The following BTG1 variants were observed in gnomAD, a reference collection of about 807,000 sequenced individuals.
BTG1 encodes the protein BTG anti-proliferation factor 1.
BTG1 carries 2 observed loss-of-function variants against 15.2 expected under a neutral mutation model. The ratio of observed to expected loss-of-function variants is 0.13; its 90% confidence interval spans 0.05 to 0.41. BTG1 has a LOEUF of 0.41. Among genes scored for constraint, BTG1 ranks in the 10% least tolerant of loss-of-function variants. The pLI is 0.99. For missense variants in BTG1, 149 were observed against 215.0 expected (o/e 0.69, Z 1.92); for synonymous variants, 109 against 82.4 (o/e 1.32, Z -1.75).
rs2136943948 is a variant in BTG1 at position 92,141,143 on chromosome 12, T to C, written c.*2937A>G. On this transcript the variant is annotated 3_prime_UTR_variant, in exon 2 of 2. Transcript: ENST00000256015. ...GAATACGGCTTCCTTCCTTTTAACT[T>C]GAAGGCCAATTTCATAAACTGCAAC... 4.3e-6 allele frequency: 1 copy of C among 232,752 alleles called. No homozygotes were observed. Among genetic ancestry groups the C allele is most frequent in the Non-Finnish European group, 8.5e-6 (1 of 117,730 alleles). 14.4% of individuals were successfully genotyped at this position (232,752 alleles called of 1,614,324 possible). A position where few individuals can be genotyped will look rare whatever the true frequency, so the allele number is the denominator to read the frequency against.
chr12:92,143,892 T>C lies in BTG1; in HGVS notation c.*188A>G. The C allele has an allele frequency of 1.7e-6, 1 of 595,770 alleles. No individual in the cohort carries two copies. The highest frequency in any genetic ancestry group is 2.8e-6 in the Non-Finnish European group (1 of 358,334). The allele number at this position is 595,770 out of a possible 1,614,324, so 36.9% of individuals were successfully genotyped here. On this transcript the variant is annotated 3_prime_UTR_variant, in exon 2 of 2. Transcript: ENST00000256015. ...CTCACAGGCTATTAAAATTAATCAT[T>C]GAAAGGTACTGTCCAAACTATGGCA...
At position 92,145,379 on chromosome 12, in the gene BTG1, C is replaced by T; in HGVS notation, c.148+9G>A. 1.3e-6 allele frequency: 2 copies of T among 1,571,464 alleles called. No homozygotes were observed. The highest frequency in any genetic ancestry group is 1.7e-6 in the Non-Finnish European group (2 of 1,159,792). On this transcript the variant is annotated intron_variant, in intron 1 of 1. Transcript: ENST00000256015. The stretch of plus-strand genomic sequence containing the variant: ...GCCCGCGTCCCTCCGACGCCCTCGC[C>T]CTGCTCACCTGCCAGCAGCTCCTGC...
chr12:92,144,609 A>G (rs1347009028), intron 1 of BTG1, among the ~76,000 whole-genome samples, 162 bp from the exon 2 acceptor site: 15 of 152,192 alleles, frequency 9.9e-5, no homozygotes, highest in Non-Finnish European at 2.9e-5. Flanking sequence ...GGGATGGAAA[A>G]AGCGGGCAGG....
chr12:92,141,674 T>G lies in BTG1; in HGVS notation c.*2406A>C. On this transcript the variant is annotated 3_prime_UTR_variant, in exon 2 of 2. Transcript: ENST00000256015. ...ACCGCAGATACAGGTTCAGCTCAAT[T>G]GTCTGGGGAAGGTAAGGTTAAAGTC... 8.6e-6 allele frequency: 2 copies of G among 232,212 alleles called. No homozygotes were observed. The highest frequency in any genetic ancestry group is 1.2e-4 in the East Asian group (2 of 16,434). 14.4% of individuals were successfully genotyped at this position (232,212 alleles called of 1,614,324 possible).
rs1870526926 is a variant in BTG1 at position 92,145,466 on chromosome 12, T to G, written c.70A>C (p.Lys24Gln). Residue 24 changes from lysine (K) to glutamine (Q), a missense_variant, in exon 1 of 2, where the codon AAG becomes CAG. Lys to Gln is a moderately conservative substitution (Grantham distance 53). Coordinates refer to ENST00000256015, the MANE Select transcript of BTG1 (RefSeq NM_001731.3). ...EIAAAVSFIS[K>Q]FLRTKGLTSE... Reference sequence around the variant, plus strand: ...GTGAGCCCCTTGGTGCGGAGAAACTTGGAGATGAAGGACACGGCGGCGGCG... The same window carrying G: ...GTGAGCCCCTTGGTGCGGAGAAACTGGGAGATGAAGGACACGGCGGCGGCG... The G allele has an allele frequency of 6.3e-7, 1 of 1,591,528 alleles. No homozygotes were observed. The highest frequency in any genetic ancestry group is 1.4e-5 in the African/African-American group (1 of 71,668).
rs1870475082 is a variant in BTG1, at chr12:92,144,779, A to G, written c.149-332T>C. On this transcript the variant is annotated intron_variant, in intron 1 of 1. Coordinates refer to ENST00000256015, the MANE Select transcript of BTG1 (RefSeq NM_001731.3). ...GTTTACTTTCTCCACCCCACCCCAG[A>G]TGCACACAATGGAGTTGATGGCTTT... Among the ~76,000 whole-genome samples, 3 of 152,158 alleles carry G rather than the reference A, an allele frequency of 2.0e-5. No homozygotes were observed. In the South Asian group the frequency reaches 6.2e-4, roughly 32 times the overall value.
In BTG1 at chr12:92,141,113, A is replaced by G. The variant is rs1044793969; in HGVS notation, c.*2967T>C. The G allele has an allele frequency of 4.3e-6, 1 of 232,808 alleles. No homozygotes were observed. The highest frequency in any genetic ancestry group is 6.1e-5 in the East Asian group (1 of 16,482). The allele number at this position is 232,808 out of a possible 1,614,324, so 14.4% of individuals were successfully genotyped here. On this transcript the variant is annotated 3_prime_UTR_variant, in exon 2 of 2. Coordinates refer to ENST00000256015, the MANE Select transcript of BTG1 (RefSeq NM_001731.3). ...AACCTGTAGTCATTAAACACTAGCC[A>G]TCGGGAATACGGCTTCCTTCCTTTT... is the stretch of plus-strand genomic sequence containing the variant.
At position 92,140,733 on chromosome 12, in the gene BTG1, A is replaced by G. The variant is rs1026775786; in HGVS notation, c.*3347T>C. 1 of 232,254 alleles carries G rather than the reference A, an allele frequency of 4.3e-6. No homozygotes were observed. Among genetic ancestry groups the G allele is most frequent in the African/African-American group, 2.2e-5 (1 of 45,326 alleles). 14.4% of individuals were successfully genotyped at this position (232,254 alleles called of 1,614,324 possible). On this transcript the variant is annotated 3_prime_UTR_variant, in exon 2 of 2. Coordinates refer to ENST00000256015, the MANE Select transcript of BTG1 (RefSeq NM_001731.3). ...CAGCCATATATAAAAGTTCAGTGGC[A>G]GAGACTGAGAGATAAGTCTAAAATG...
At position 92,141,413 on chromosome 12, in the gene BTG1, T is replaced by TATCTGTTGAA. The variant is rs1304992495; in HGVS notation, c.*2666_*2667insTTCAACAGAT. ...TCCACTTGAAGCCTTGTTTCAACAT[T>TATCTGTTGAA]ACAGAGGGAGGCACTACTTAAATTT... On this transcript the variant is annotated 3_prime_UTR_variant, in exon 2 of 2. Coordinates refer to ENST00000256015, the MANE Select transcript of BTG1 (RefSeq NM_001731.3). The TATCTGTTGAA allele has an allele frequency of 1.7e-5, 4 of 232,008 alleles. No homozygotes were observed. Among genetic ancestry groups the TATCTGTTGAA allele is most frequent in the African/African-American group, 6.6e-5 (3 of 45,270 alleles). 14.4% of individuals were successfully genotyped at this position (232,008 alleles called of 1,614,324 possible). A position where few individuals can be genotyped will look rare whatever the true frequency, so the allele number is the denominator to read the frequency against.
Position 92,145,502 on chromosome 12 carries a change from T to A in BTG1, c.34A>T (p.Ile12Leu). 1 of 1,580,050 alleles carries A rather than the reference T, an allele frequency of 6.3e-7. No homozygotes were observed. The highest frequency in any genetic ancestry group is 8.6e-7 in the Non-Finnish European group (1 of 1,165,042). Residue 12 changes from isoleucine to leucine, a missense_variant, in exon 1 of 2, where the codon ATA becomes TTA. Ile to Leu is a conservative substitution (Grantham distance 5). This residue lies in a region of BTG1 where 63 missense variants were observed against 60.8 expected (regional missense o/e 1.04). Transcript: ENST00000256015. ...HPFYTRAATM[I>L]GEIAAAVSFI... ...GACACGGCGGCGGCGATCTCGCCTA[T>A]CATGGTGGCGGCCCGGGTGTAGAAG...
intron 1 of BTG1, chr12:92,145,158 T>G: frequency 1.9e-6 from 1 of 516,712 alleles, no homozygotes; most frequent in Non-Finnish European, 3.0e-6. Flanking sequence ...GCGTGTTGTC[T>G]TCTCCTCTCC....
Position 92,145,551 on chromosome 12 carries a change from G to A in BTG1, c.-16C>T, listed in dbSNP as rs1183851346. 9 of 1,402,816 alleles carry A rather than the reference G, an allele frequency of 6.4e-6. No individual in the cohort carries two copies. The highest frequency in any genetic ancestry group is 2.8e-5 in the East Asian group (1 of 35,492). The allele number at this position is 1,402,816 out of a possible 1,614,324, so 86.9% of individuals were successfully genotyped here. On this transcript the variant is annotated 5_prime_UTR_variant, in exon 1 of 2. Transcript: ENST00000256015. ...AGGGATGCATGGGGGCGGCGTGCGG[G>A]GGCGGCCCGGGGCGGCTGGGGCTCG... is the stretch of plus-strand genomic sequence containing the variant.
rs1049587224 is a variant in BTG1, at chr12:92,142,439, C to T, written c.*1641G>A. 3.9e-5 allele frequency: 9 copies of T among 231,910 alleles called. No individual in the cohort carries two copies. Among genetic ancestry groups the T allele is most frequent in the Admixed American group, 1.1e-4 (2 of 17,744 alleles). 14.4% of individuals were successfully genotyped at this position (231,910 alleles called of 1,614,324 possible). ...CACTGAAAAACGCTGTTATCCTCTA[C>T]AACTAAACAGCAAGTCCTTCTATTA... On this transcript the variant is annotated 3_prime_UTR_variant, in exon 2 of 2. Coordinates refer to ENST00000256015, the MANE Select transcript of BTG1 (RefSeq NM_001731.3).
chr12:92,144,137 A>T lies in BTG1; in HGVS notation c.459T>A (p.Leu153=). The T allele has an allele frequency of 6.2e-7, 1 of 1,613,882 alleles. No homozygotes were observed. The highest frequency in any genetic ancestry group is 8.5e-7 in the Non-Finnish European group (1 of 1,180,002). ...VDSRISCKEE[L]LLGRTSPSKN... ...TGGAAGGGCTCGTTCTGCCCAAGAG[A>T]AGTTCCTCCTTACAGCTGATTCGGC... is the stretch of plus-strand genomic sequence containing the variant. The change falls in exon 2 of 2, where the codon CTT becomes CTA. Residue 153 remains leucine (L), a synonymous_variant. Transcript: ENST00000256015.
chr12:92,145,415 T>A lies in BTG1; in HGVS notation c.121A>T (p.Ser41Cys), dbSNP rs571617948. ...GCCAGCAGCTCCTGCAGGCTCTGGC[T>A]GAAGGTCTGCAGCTGTCGCTCGCTC... ...LTSERQLQTFSQSLQELLAEH... is the reference protein window; with the variant it reads ...LTSERQLQTFCQSLQELLAEH... The change falls in exon 1 of 2, where the codon AGC (serine) becomes TGC (cysteine). Residue 41 changes from serine to cysteine, a missense_variant. Ser to Cys is a moderately radical substitution (Grantham distance 112, BLOSUM62 -1). Coordinates refer to ENST00000256015, the MANE Select transcript of BTG1 (RefSeq NM_001731.3). 6.3e-7 allele frequency: 1 copy of A among 1,589,488 alleles called. No homozygotes were observed. Among genetic ancestry groups the A allele is most frequent in the African/African-American group, 1.4e-5 (1 of 71,716 alleles).
chr12:92,145,295 C>G, intron 1 of BTG1, 93 bp downstream of exon 1: 9 of 1,350,422 alleles, frequency 6.7e-6, no homozygotes, highest in Non-Finnish European at 8.6e-6. Context: ...CGACCGGCCC[C>G]GGGGCGCTGC....
Position 92,143,697 on chromosome 12 carries a change from T to C in BTG1, c.*383A>G, listed in dbSNP as rs1436067170. The C allele has an allele frequency of 3.8e-6, 1 of 266,138 alleles. No homozygotes were observed. Among genetic ancestry groups the C allele is most frequent in the South Asian group, 9.2e-5 (1 of 10,912 alleles). 16.5% of individuals were successfully genotyped at this position (266,138 alleles called of 1,614,324 possible). ...TGCCGAAAAGGTTAACAATAACAAC[T>C]TTCAAGTGTAATAGTGCAAATTCCC... On this transcript the variant is annotated 3_prime_UTR_variant, in exon 2 of 2. Transcript: ENST00000256015.
Position 92,142,152 on chromosome 12 carries a change from C to T in BTG1, c.*1928G>A. On this transcript the variant is annotated 3_prime_UTR_variant, in exon 2 of 2. Transcript: ENST00000256015. ...ATTCTAACTCTCGAGAATGGTGTGC[C>T]AATAATATCCACAGACATTTGTACT... is the stretch of plus-strand genomic sequence containing the variant. 4.3e-6 allele frequency: 1 copy of T among 232,214 alleles called. No individual in the cohort carries two copies. The highest frequency in any genetic ancestry group is 6.1e-5 in the East Asian group (1 of 16,392). 14.4% of individuals were successfully genotyped at this position (232,214 alleles called of 1,614,324 possible).
Position 92,140,305 on chromosome 12 carries a change from T to C in BTG1, c.*3775A>G, listed in dbSNP as rs996954296. ...GAACTACATTTTTTTATTCCTATCTTGGACATACTGAGCAATACGAAAAGT... is the reference window on the plus strand; with the variant it reads ...GAACTACATTTTTTTATTCCTATCTCGGACATACTGAGCAATACGAAAAGT... On this transcript the variant is annotated 3_prime_UTR_variant, in exon 2 of 2. Coordinates refer to ENST00000256015, the MANE Select transcript of BTG1 (RefSeq NM_001731.3). 12 of 198,186 alleles carry C rather than the reference T, an allele frequency of 6.1e-5. No homozygotes were observed. Among genetic ancestry groups the C allele is most frequent in the African/African-American group, 2.5e-4 (11 of 43,374 alleles). 12.3% of individuals were successfully genotyped at this position (198,186 alleles called of 1,614,324 possible).
Sources: gnomAD v4.1 joint callset for allele counts (sites outside exome capture counted in the v4.1 genomes callset) on GRCh38, gnomAD v4.1.1 for gene constraint, gnomAD v4.1.1 regional missense constraint, MANE v1.5 for transcripts, NCBI Gene and HGNC (gene_info 2026-07-23, HGNC 2026-07-21) for gene names.